FHL3: variants seen among roughly 807,000 people sequenced by gnomAD.
FHL3 encodes four and a half LIM domains protein 3.
Under a neutral mutation model 34.3 loss-of-function variants are expected in FHL3, and 21 were observed. That is an observed-to-expected ratio of 0.61 (90% CI 0.43 to 0.88). The LOEUF (loss-of-function observed/expected upper bound fraction) is 0.88. Ranked by LOEUF, FHL3 falls within the 40% of genes least tolerant of loss-of-function variation. The probability of loss-of-function intolerance (pLI) is 0.00; values close to 1 mark genes in which losing one functional copy is unlikely to be tolerated. For missense variants in FHL3, 333 were observed against 373.7 expected (o/e 0.89, Z 0.90); for synonymous variants, 137 against 144.6 (o/e 0.95, Z 0.38).
chr1:38,002,739 C>T (rs1172621302), intron 1 of FHL3, among the ~76,000 whole-genome samples: 2 of 151,166 alleles, frequency 1.3e-5, no homozygotes, highest in African/African-American at 2.4e-5. Flanking sequence ...TGGAGAGTTT[C>T]GCCATGTTGG....
At position 37,999,090 on chromosome 1, in the gene FHL3, T is replaced by TGGCAGCGGC. The variant is rs1344340716; in HGVS notation, c.206_214dup (p.Cys71_Gln72insArgArgCys). 2 of 1,614,086 alleles carry TGGCAGCGGC rather than the reference T, an allele frequency of 1.2e-6. No individual in the cohort carries two copies. Among genetic ancestry groups the TGGCAGCGGC allele is most frequent in the African/African-American group, 1.3e-5 (1 of 74,944 alleles). ...GAAGGGTTCATCGGCTAGTGAGCGC[T>TGGCAGCGGC]GGCAGCGGCAGCAGCGGAAGCAGCC... is the stretch of plus-strand genomic sequence containing the variant. On this transcript the variant is annotated inframe_insertion, in exon 3 of 6. Transcript: ENST00000373016.
chr1:38,002,888 T>C lies in FHL3; in HGVS notation c.-21+2469A>G, dbSNP rs530471355. Among the ~76,000 whole-genome samples, 1,239 of 151,320 alleles carry C rather than the reference T, an allele frequency of 8.2e-3. 10 individuals are homozygous for C. The highest frequency in any genetic ancestry group is 0.013 in the Non-Finnish European group (900 of 67,870). On this transcript the variant is annotated intron_variant, in intron 1 of 5. Coordinates refer to ENST00000373016, the MANE Select transcript of FHL3 (RefSeq NM_004468.5). ...AACTTCTGTGCTCAGCCAGGTGAGG[T>C]GGCTCACACCTGTAATCCCAGCACT... is the stretch of plus-strand genomic sequence containing the variant.
chr1:38,000,881 T>C (rs1037448101), intron 1 of FHL3, among the ~76,000 whole-genome samples: 2 of 152,038 alleles, frequency 1.3e-5, no homozygotes, highest in Admixed American at 1.3e-4. Flanking sequence ...CCGGGGAAGT[T>C]ACAGGGACAC....
intron 1 of FHL3, among the ~76,000 whole-genome samples, chr1:38,000,215 G>A (rs1363551695): frequency 6.6e-6 from 1 of 152,204 alleles, no homozygotes; most frequent in African/African-American, 2.4e-5. Context: ...CAGCTGTGGC[G>A]GCACAGATGG....
chr1:37,997,887 C>A lies in FHL3; in HGVS notation c.502-17G>T. ...TGTCAGCGTCTGTGGGGGCAGCATC[C>A]ATTAGTAGGTATGAGTGGGGATTCC... On this transcript the variant is annotated splice_polypyrimidine_tract_variant and intron_variant, in intron 4 of 5. Transcript: ENST00000373016. The surrounding 1 kb of genome is among the most constrained non-coding windows in gnomAD (Gnocchi z 4.3). 1 of 1,613,624 alleles carries A rather than the reference C, an allele frequency of 6.2e-7. No individual in the cohort carries two copies. The highest frequency in any genetic ancestry group is 1.1e-5 in the South Asian group (1 of 91,078).
rs376543111 is a variant in FHL3, at chr1:37,999,009, G to A, written c.296C>T (p.Ser99Leu). 1.9e-6 allele frequency: 3 copies of A among 1,614,130 alleles called. No individual in the cohort carries two copies. Among genetic ancestry groups the A allele is most frequent in the Non-Finnish European group, 8.5e-7 (1 of 1,180,044 alleles). ...AGTCTCCCCACAAGCGGAGCACTGCGAGGAAAACGCACTGCAGTAGCAGTC... is the reference window on the plus strand; with the variant it reads ...AGTCTCCCCACAAGCGGAGCACTGCAAGGAAAACGCACTGCAGTAGCAGTC... ...CNDCYCSAFS[S>L]QCSACGETVM... Residue 99 changes from serine to leucine, a missense_variant, in exon 3 of 6, where the codon TCG (serine) becomes TTG (leucine). Transcript: ENST00000373016.
chr1:37,998,987 C>T lies in FHL3; in HGVS notation c.318G>A (p.Glu106=), dbSNP rs1371659250. ...CTGAACACATACCAGGCATGACAGTCTCCCCACAAGCGGAGCACTGCGAGG... is the reference window on the plus strand; with the variant it reads ...CTGAACACATACCAGGCATGACAGTTTCCCCACAAGCGGAGCACTGCGAGG... ...AFSSQCSACG[E]TVMPGSRKLE... The change falls in exon 3 of 6, where the codon GAG becomes GAA. Residue 106 remains glutamate (E), a synonymous_variant. Coordinates refer to ENST00000373016, the MANE Select transcript of FHL3 (RefSeq NM_004468.5). 6.2e-7 allele frequency: 1 copy of T among 1,614,042 alleles called. No individual in the cohort carries two copies. Among genetic ancestry groups the T allele is most frequent in the East Asian group, 2.2e-5 (1 of 44,884 alleles).
At chr1:38,002,255 C>T (rs1018010217) in intron 1 of FHL3, among the ~76,000 whole-genome samples, 6 of 151,802 alleles carry the variant, frequency 4.0e-5, no homozygotes, top group East Asian at 3.9e-4. Flanking sequence ...CCTGCTACCA[C>T]GCCCGGCTAA....
chr1:37,998,917 T>C, intron 3 of FHL3, 57 bp downstream of exon 3: 1 of 1,565,252 alleles, frequency 6.4e-7, no homozygotes, highest in South Asian at 1.1e-5. Flanking sequence ...GACAGACACA[T>C]GCAAAGACCC....
Position 37,997,502 on chromosome 1 carries a change from A to C in FHL3, c.746T>G (p.Phe249Cys). ...FEDRHWHHNC[F>C]SCARCSTSLV... Reference sequence around the variant, plus strand: ...GGAGGTAGAGCAGCGGGCGCAGGAGAAGCAGTTGTGGTGCCAGTGTCGGTC... The same window carrying C: ...GGAGGTAGAGCAGCGGGCGCAGGAGCAGCAGTTGTGGTGCCAGTGTCGGTC... Residue 249 changes from phenylalanine (F) to cysteine (C), a missense_variant, in exon 6 of 6, where the codon TTC (phenylalanine) becomes TGC (cysteine). By Grantham distance (205) the Phe-to-Cys change is radical. Transcript: ENST00000373016. The surrounding 1 kb of genome is among the most constrained non-coding windows in gnomAD (Gnocchi z 4.3). 6.2e-7 allele frequency: 1 copy of C among 1,611,266 alleles called. No individual in the cohort carries two copies. Among genetic ancestry groups the C allele is most frequent in the Non-Finnish European group, 8.5e-7 (1 of 1,178,960 alleles).
At chr1:38,004,445 C>T (rs533095111) in intron 1 of FHL3, among the ~76,000 whole-genome samples, 1 of 152,192 alleles carries the variant, frequency 6.6e-6, no homozygotes, top group African/African-American at 2.4e-5. Context: ...CAGGGGCTGT[C>T]CTGGAAGCTG....
chr1:38,004,179 G>A (rs951118129), intron 1 of FHL3, among the ~76,000 whole-genome samples: 3 of 152,178 alleles, frequency 2.0e-5, no homozygotes, highest in African/African-American at 2.4e-5. Flanking sequence ...GGGGGTTGGG[G>A]AGCAAGATCC....
At chr1:38,002,840 G>A (rs1005869928) in intron 1 of FHL3, among the ~76,000 whole-genome samples, 2 of 151,094 alleles carry the variant, frequency 1.3e-5, no homozygotes, top group South Asian at 2.1e-4. Flanking sequence ...GCAGTGGCAC[G>A]ATCATGGCTC....
At chr1:38,005,116 C>T (rs1488008592) in intron 1 of FHL3, among the ~76,000 whole-genome samples, 1 of 152,026 alleles carries the variant, frequency 6.6e-6, no homozygotes, top group African/African-American at 2.4e-5. Context: ...ACTTAGCCCC[C>T]TCCCCCGCCC....
intron 1 of FHL3, among the ~76,000 whole-genome samples, chr1:38,004,898 G>A (rs1646628406): frequency 6.6e-6 from 1 of 152,056 alleles, no homozygotes; most frequent in South Asian, 2.1e-4. Flanking sequence ...GCTCCACAAA[G>A]CCTAGGACGG....
chr1:37,999,341 GCTGT>G lies in FHL3; in HGVS notation c.68_71del (p.Asp23AlafsTer52), dbSNP rs1557762639. The G allele has an allele frequency of 2.5e-6, 4 of 1,614,234 alleles. No homozygotes were observed. Among genetic ancestry groups the G allele is most frequent in the Non-Finnish European group, 1.7e-6 (2 of 1,180,042 alleles). ...CATAGCAGGGCACACAGTAGGGGCCGCTGTCTGTCTGGATGTACTTGCGTCCATA... is the reference window on the plus strand; with the variant it reads ...CATAGCAGGGCACACAGTAGGGGCCGCTGTCTGGATGTACTTGCGTCCATA... On this transcript the variant is annotated frameshift_variant, in exon 2 of 6. Transcript: ENST00000373016. LOFTEE classifies it high-confidence loss of function.
At chr1:38,003,027 G>A (rs1393832156) in intron 1 of FHL3, among the ~76,000 whole-genome samples, 3 of 151,912 alleles carry the variant, frequency 2.0e-5, no homozygotes, top group South Asian at 2.1e-4. Flanking sequence ...GCATGGTGGC[G>A]GGCGCCTGTA....
intron 3 of FHL3, 37 bp from the exon 4 acceptor site, chr1:37,998,169 C>T: frequency 1.2e-6 from 2 of 1,603,220 alleles, no homozygotes; most frequent in East Asian, 2.2e-5. Flanking sequence ...AGGTTGTGTC[C>T]CATGCTCCTG....
chr1:37,999,133 C>A lies in FHL3; in HGVS notation c.172G>T (p.Asp58Tyr). 1 of 1,614,204 alleles carries A rather than the reference C, an allele frequency of 6.2e-7. No individual in the cohort carries two copies. Among genetic ancestry groups the A allele is most frequent in the South Asian group, 1.1e-5 (1 of 91,080 alleles). The change falls in exon 3 of 6, where the codon GAC (aspartate) becomes TAC (tyrosine). Residue 58 changes from aspartate (D) to tyrosine (Y), a missense_variant. Physicochemically the swap from Asp to Tyr is radical, Grantham distance 160. Coordinates refer to ENST00000373016, the MANE Select transcript of FHL3 (RefSeq NM_004468.5). Reference protein sequence around the residue: ...GHDSRELFYEDRHFHEGCFRC... With the variant: ...GHDSRELFYEYRHFHEGCFRC... ...AAGCAGCCCTCGTGGAAATGGCGGT[C>A]TTCATAGAACAGCTCCTGTGGGGAA...
Sources: allele counts gnomAD v4.1 joint callset (sites outside exome capture counted in the v4.1 genomes callset), GRCh38; gene constraint gnomAD v4.1.1; non-coding constraint Gnocchi (gnomAD v3.1); transcripts MANE v1.5; gene names NCBI Gene and HGNC (gene_info 2026-07-23, HGNC 2026-07-21).